The following ZSWIM5 variants were observed in gnomAD, a reference collection of about 807,000 sequenced individuals.
ZSWIM5 encodes zinc finger SWIM domain-containing protein 5.
A neutral mutation model predicts 119.6 loss-of-function variants in ZSWIM5; 55 were observed. The observed-to-expected ratio is 0.46, with a 90% CI of 0.37 to 0.58. The LOEUF is 0.58. ZSWIM5 is among the 20% of genes least tolerant of loss of function. The pLI, the probability that ZSWIM5 is intolerant of heterozygous loss-of-function variation, is 0.00. For synonymous variants in ZSWIM5, 537 were observed against 606.9 expected (o/e 0.88, Z 1.69); for missense variants, 1,193 against 1,512.8 (o/e 0.79, Z 3.51).
chr1:45,194,456 T>G (rs1646110289), intron 1 of ZSWIM5, among the ~76,000 whole-genome samples: 2 of 152,180 alleles, frequency 1.3e-5, no homozygotes, highest in Admixed American at 6.5e-5. Flanking sequence ...AAGTTTACTC[T>G]CAGAAAAAAG....
intron 1 of ZSWIM5, among the ~76,000 whole-genome samples, chr1:45,181,998 C>G (rs1325399451): frequency 6.6e-6 from 1 of 152,102 alleles, no homozygotes; most frequent in African/African-American, 2.4e-5. Flanking sequence ...TAAAGACCAT[C>G]GAGACTAGGA....
At chr1:45,026,645 A>C (rs1644922597) in intron 11 of ZSWIM5, among the ~76,000 whole-genome samples, 1 of 152,124 alleles carries the variant, frequency 6.6e-6, no homozygotes, top group Non-Finnish European at 1.5e-5. Flanking sequence ...AGATTTTTGC[A>C]TTTATGCTCA....
intron 1 of ZSWIM5, among the ~76,000 whole-genome samples, chr1:45,153,221 T>C (rs1309680463): frequency 6.6e-6 from 1 of 151,556 alleles, no homozygotes; most frequent in Non-Finnish European, 1.5e-5. Context: ...TGGAGATTTC[T>C]CAAAGAATTA....
intron 1 of ZSWIM5, among the ~76,000 whole-genome samples, chr1:45,102,294 C>A (rs1645444253): frequency 6.6e-6 from 1 of 152,164 alleles, no homozygotes; most frequent in African/African-American, 2.4e-5. Context: ...CTGTTTTCTC[C>A]ATTTTCTTAT....
In ZSWIM5 at chr1:45,031,169, ATTTTTTTTT is replaced by A. The variant is rs34390567; in HGVS notation, c.2449+3134_2449+3142del. Among the ~76,000 whole-genome samples the A allele has an allele frequency of 1.5e-4, 9 of 61,746 alleles. No individual in the cohort carries two copies. The South Asian group carries it at 2.1e-3, about 14-fold the overall frequency. The allele number at this position is 61,746 out of a possible 152,430, so 40.5% of individuals were successfully genotyped here. A position where few individuals can be genotyped will look rare whatever the true frequency, so the allele number is the denominator to read the frequency against. Reference sequence around the variant, plus strand: ...CTCTATTTCATTGATTTTTGCTCTGATTTTTTTTTTTTTTTTTTTTTTTTTGAGACAGAG... The same window carrying A: ...CTCTATTTCATTGATTTTTGCTCTGATTTTTTTTTTTTTTTTGAGACAGAG... On this transcript the variant is annotated intron_variant, in intron 11 of 13. Transcript: ENST00000359600.
At chr1:45,063,834 T>C (rs920794165) in intron 2 of ZSWIM5, among the ~76,000 whole-genome samples, 3 of 151,782 alleles carry the variant, frequency 2.0e-5, no homozygotes, top group Non-Finnish European at 4.4e-5. Context: ...TACAAAAAAT[T>C]AGCTGGGTGT....
chr1:45,042,245 G>A (rs138058649), intron 6 of ZSWIM5, among the ~76,000 whole-genome samples: 179 of 152,274 alleles, frequency 1.2e-3, no homozygotes, highest in Non-Finnish European at 1.5e-3. Flanking sequence ...AGTAGTAAAT[G>A]AGAGTACCTA....
chr1:45,139,325 C>T (rs1026833830), intron 1 of ZSWIM5, among the ~76,000 whole-genome samples: 15 of 151,704 alleles, frequency 9.9e-5, no homozygotes, highest in Non-Finnish European at 2.2e-4. Context: ...GGACTACAGA[C>T]GCCTGCTACC....
At chr1:45,155,882 G>A (rs1013472895) in intron 1 of ZSWIM5, among the ~76,000 whole-genome samples, 1 of 152,108 alleles carries the variant, frequency 6.6e-6, no homozygotes, top group African/African-American at 2.4e-5. Context: ...GGGACTTGGG[G>A]GGAAAGAGTG....
rs1219077196 is a variant in ZSWIM5, at chr1:45,088,918, A to G, written c.596-681T>C. Among the ~76,000 whole-genome samples the G allele has an allele frequency of 6.6e-6, 1 of 152,190 alleles. No individual in the cohort carries two copies. Among genetic ancestry groups the G allele is most frequent in the Non-Finnish European group, 1.5e-5 (1 of 68,032 alleles). On this transcript the variant is annotated intron_variant, in intron 1 of 13. Coordinates refer to ENST00000359600, the MANE Select transcript of ZSWIM5 (RefSeq NM_020883.2). This position sits in a 1 kb window ranked among gnomAD's most constrained non-coding sequence, Gnocchi z 4.2. The stretch of plus-strand genomic sequence containing the variant: ...CCCATTTTTAACGTAACAAAATTAA[A>G]AGATAAAATCAATAGCAAATCAATT...
Position 45,206,173 on chromosome 1 carries a change from G to C in ZSWIM5, c.178C>G (p.Leu60Val), listed in dbSNP as rs779216516. 6.2e-7 allele frequency: 1 copy of C among 1,606,030 alleles called. No homozygotes were observed. Among genetic ancestry groups the C allele is most frequent in the South Asian group, 1.1e-5 (1 of 90,150 alleles). The change falls in exon 1 of 14, where the codon CTG becomes GTG. Residue 60 changes from leucine (L) to valine (V), a missense_variant. Leu to Val is a conservative substitution (Grantham distance 32, BLOSUM62 1). Around this residue, in one of 2 missense-constraint regions of ZSWIM5, gnomAD observed 232 missense variants for 222.9 expected, o/e 1.04. Coordinates refer to ENST00000359600, the MANE Select transcript of ZSWIM5 (RefSeq NM_020883.2). ...CAGTCCAGTAAGGAATCCGGCTGCAGGTGGGGGCGGGCCCCGAGGACCAGG... is the reference window on the plus strand; with the variant it reads ...CAGTCCAGTAAGGAATCCGGCTGCACGTGGGGGCGGGCCCCGAGGACCAGG... Reference protein sequence around the residue: ...SCLVLGARPHLQPDSLLDCAA... With the variant: ...SCLVLGARPHVQPDSLLDCAA...
chr1:45,134,718 G>A (rs1244729101), intron 1 of ZSWIM5, among the ~76,000 whole-genome samples: 5 of 152,212 alleles, frequency 3.3e-5, no homozygotes, highest in African/African-American at 1.2e-4. Flanking sequence ...AGCAAAACCT[G>A]AGCTGGGAAG....
rs530335201 is a variant in ZSWIM5 at position 45,068,747 on chromosome 1, T to G, written c.953-8500A>C. On this transcript the variant is annotated intron_variant, in intron 2 of 13. Transcript: ENST00000359600. ...GAAAAGATTATTCTTTTCCCTTTCT[T>G]GGCATTTAGTGGAATCCTCTCACTG... Among the ~76,000 whole-genome samples, 10 of 151,746 alleles carry G rather than the reference T, an allele frequency of 6.6e-5. No homozygotes were observed. The East Asian group carries it at 1.7e-3, about 26-fold the overall frequency.
chr1:45,105,012 G>A (rs1195163880), intron 1 of ZSWIM5, among the ~76,000 whole-genome samples: 2 of 152,212 alleles, frequency 1.3e-5, no homozygotes, highest in African/African-American at 4.8e-5. Context: ...TTAAAAGACT[G>A]AGATCTTCGG....
chr1:45,155,469 G>A (rs900281936), intron 1 of ZSWIM5, among the ~76,000 whole-genome samples: 3 of 152,068 alleles, frequency 2.0e-5, no homozygotes. Context: ...AAAACAGTGT[G>A]GAGACTCCTT....
chr1:45,043,263 C>T lies in ZSWIM5; in HGVS notation c.1565G>A (p.Ser522Asn). ...TTGGGAATTAAAGAGTAGTCTTTCA[C>T]TTTCCCGCTGGCAGGCAGGAGCTGT... ...VYTAPACQRE[S>N]ERLLFNSQGQ... The change falls in exon 6 of 14, where the codon AGT becomes AAT. Residue 522 changes from serine (S) to asparagine (N), a missense_variant. Transcript: ENST00000359600. 1 of 1,614,124 alleles carries T rather than the reference C, an allele frequency of 6.2e-7. No individual in the cohort carries two copies. The highest frequency in any genetic ancestry group is 8.5e-7 in the Non-Finnish European group (1 of 1,179,998).
chr1:45,074,762 G>A (rs139190016), intron 2 of ZSWIM5, among the ~76,000 whole-genome samples: 350 of 151,450 alleles, frequency 2.3e-3, no homozygotes, highest in Non-Finnish European at 4.4e-3. Flanking sequence ...TTAAATTTGG[G>A]TTTGGTTTGC....
chr1:45,200,266 C>T (rs1362617941), intron 1 of ZSWIM5, among the ~76,000 whole-genome samples: 2 of 152,046 alleles, frequency 1.3e-5, no homozygotes. Flanking sequence ...AGTAATTTAG[C>T]GTATAATCAC....
rs182463401 is a variant in ZSWIM5, at chr1:45,116,211, A to G, written c.596-27974T>C. On this transcript the variant is annotated intron_variant, in intron 1 of 13. Transcript: ENST00000359600. ...ATCACTCTGTTCAACAAAATGCCGT[A>G]TATTACAGCAATGAGTTTCATTGCT... 3.3e-3 allele frequency among the ~76,000 whole-genome samples: 493 copies of G among 150,996 alleles called. 2 individuals carry two copies. Among genetic ancestry groups the G allele is most frequent in the African/African-American group, 0.011 (476 of 41,510 alleles).
Sources: gnomAD v4.1 joint callset for allele counts (sites outside exome capture counted in the v4.1 genomes callset) on GRCh38, gnomAD v4.1.1 for gene constraint, gnomAD v4.1.1 regional missense constraint, Gnocchi (gnomAD v3.1) non-coding constraint, MANE v1.5 for transcripts, NCBI Gene and HGNC (gene_info 2026-07-23, HGNC 2026-07-21) for gene names.